Variants in SLC14A2 observed in about 807,000 individuals in gnomAD.
SLC14A2 encodes the protein urea transporter 2.
A neutral mutation model predicts 104.6 loss-of-function variants in SLC14A2; 91 were observed. That is an observed-to-expected ratio of 0.87 (90% CI 0.73 to 1.04). SLC14A2 has a LOEUF of 1.04. SLC14A2 is among the 50% of genes least tolerant of loss of function. The pLI is 0.00. For missense variants in SLC14A2, 1,189 were observed against 1,156.0 expected, an observed-to-expected ratio of 1.03 and a Z score of -0.41; for synonymous variants, 476 against 466.4, an observed-to-expected ratio of 1.02 and a Z score of -0.27.
intron 5 of SLC14A2, among the ~76,000 whole-genome samples, chr18:45,632,811 G>A: frequency 6.6e-6 from 1 of 152,180 alleles, no homozygotes; most frequent in African/African-American, 2.4e-5. Context: ...ACAAGTAGCT[G>A]GGACTACAGG....
chr18:45,636,822 C>T (rs759948756), intron 5 of SLC14A2, among the ~76,000 whole-genome samples, 168 bp from the exon 6 acceptor site: 44 of 151,778 alleles, frequency 2.9e-4, no homozygotes, highest in Non-Finnish European at 5.9e-4. Flanking sequence ...AAATTGAATA[C>T]CTTATTCTAT....
chr18:45,490,627 A>G (rs1032883470), intron 2 of SLC14A2, among the ~76,000 whole-genome samples: 7 of 152,230 alleles, frequency 4.6e-5, no homozygotes, highest in Non-Finnish European at 1.0e-4. Context: ...GACCAAGTTT[A>G]TAGTCTTGTA....
intron 2 of SLC14A2, among the ~76,000 whole-genome samples, chr18:45,556,853 C>G (rs2044139570): frequency 6.6e-6 from 1 of 152,108 alleles, no homozygotes; most frequent in African/African-American, 2.4e-5. Context: ...TTTGACTTTC[C>G]CACTCCTGAG....
At chr18:45,291,790 G>A (rs531079736) in intron 1 of SLC14A2, among the ~76,000 whole-genome samples, 1 of 149,526 alleles carries the variant, frequency 6.7e-6, no homozygotes, top group East Asian at 2.0e-4. Flanking sequence ...CGAATCAATC[G>A]AATTGTCGTT....
intron 2 of SLC14A2, among the ~76,000 whole-genome samples, chr18:45,577,268 C>G (rs1285455051): frequency 6.6e-6 from 1 of 152,024 alleles, no homozygotes; most frequent in African/African-American, 2.4e-5. Context: ...TCAAAAGCTT[C>G]TCCAAAGCTA....
chr18:45,327,045 G>A (rs60168393), intron 1 of SLC14A2, among the ~76,000 whole-genome samples: 1 of 146,872 alleles, frequency 6.8e-6, no homozygotes, highest in Non-Finnish European at 1.5e-5. Context: ...CATCCATCCA[G>A]CCAGCCAGCC....
intron 1 of SLC14A2, among the ~76,000 whole-genome samples, chr18:45,300,468 ATTTCT>A (rs1465553564): frequency 6.6e-6 from 1 of 152,028 alleles, no homozygotes; most frequent in East Asian, 1.9e-4. Flanking sequence ...AAGTTGCAGA[ATTTCT>A]TTTCCATTTC....
At chr18:45,286,984 G>C (rs1360203711) in intron 1 of SLC14A2, among the ~76,000 whole-genome samples, 1 of 152,192 alleles carries the variant, frequency 6.6e-6, no homozygotes, top group African/African-American at 2.4e-5. Context: ...GCAGCTACCT[G>C]TGTGCACTCA....
intron 9 of SLC14A2, 76 bp from the exon 10 acceptor site, chr18:45,643,910 T>A: frequency 7.6e-7 from 1 of 1,314,514 alleles, no homozygotes; most frequent in Non-Finnish European, 1.1e-6. Context: ...GCCTGTCACA[T>A]CCTTCTCCCC....
At chr18:45,667,217 C>T in intron 13 of SLC14A2, 123 bp downstream of exon 13, 1 of 700,034 alleles carries the variant, frequency 1.4e-6, no homozygotes, top group Non-Finnish European at 2.3e-6. Flanking sequence ...CACTCTGTTA[C>T]TGTGGTCTTT....
At chr18:45,419,093 C>T (rs56046816) in intron 1 of SLC14A2, among the ~76,000 whole-genome samples, 3,541 of 152,332 alleles carry the variant, frequency 0.023, 108 homozygotes, top group African/African-American at 0.07. Flanking sequence ...ATAAATGTTT[C>T]TGACCAGTGC....
At chr18:45,455,237 A>T (rs1390378562) in intron 1 of SLC14A2, among the ~76,000 whole-genome samples, 2 of 152,204 alleles carry the variant, frequency 1.3e-5, no homozygotes, top group African/African-American at 4.8e-5. Flanking sequence ...AAAGACTTGG[A>T]ACCAGCCCAA....
chr18:45,480,592 C>T (rs1305118140), intron 1 of SLC14A2, among the ~76,000 whole-genome samples: 1 of 152,184 alleles, frequency 6.6e-6, no homozygotes, highest in Non-Finnish European at 1.5e-5. Context: ...AGTGCTCTTT[C>T]TTCCAAACAA....
chr18:45,244,107 C>T (rs527738711), intron 1 of SLC14A2, among the ~76,000 whole-genome samples: 4 of 152,240 alleles, frequency 2.6e-5, no homozygotes, highest in Admixed American at 6.5e-5. Flanking sequence ...TGCCAAGTTC[C>T]GGAAGCTTAG....
intron 1 of SLC14A2, among the ~76,000 whole-genome samples, chr18:45,451,064 T>G (rs2086849700): frequency 6.6e-6 from 1 of 152,234 alleles, no homozygotes; most frequent in Admixed American, 6.5e-5. Flanking sequence ...TAATAATTCC[T>G]TGAAGTTTTG....
At position 45,578,923 on chromosome 18, in the gene SLC14A2, G is replaced by A. The variant is rs552942580; in HGVS notation, c.-34-45708G>A. Among the ~76,000 whole-genome samples, 7 of 152,340 alleles carry A rather than the reference G, an allele frequency of 4.6e-5. No homozygotes were observed. In the South Asian group the frequency reaches 1.2e-3, roughly 27 times the overall value. On this transcript the variant is annotated intron_variant, in intron 2 of 20. Coordinates refer to the SLC14A2 transcript ENST00000586448. The stretch of plus-strand genomic sequence containing the variant: ...GGCCTTGCTCATGTGTCTGTGGGCA[G>A]CTAGAAGGTCAGCTACCAGTTGGCT...
At chr18:45,645,632 A>ATATATATATATAT (rs1568312070) in intron 10 of SLC14A2, among the ~76,000 whole-genome samples, 4 of 7,084 alleles carry the variant, frequency 5.6e-4, no homozygotes, top group South Asian at 5.4e-3. Context: ...TACATATACA[A>ATATATATATATAT]AGATATATAT....
intron 1 of SLC14A2, among the ~76,000 whole-genome samples, chr18:45,619,328 C>G (rs2045126187): frequency 6.6e-6 from 1 of 152,246 alleles, no homozygotes; most frequent in Non-Finnish European, 1.5e-5. Flanking sequence ...GCTCAGGACA[C>G]AGTGCCTGCT....
intron 2 of SLC14A2, among the ~76,000 whole-genome samples, chr18:45,593,732 G>A (rs1172888307): frequency 3.3e-5 from 5 of 151,896 alleles, no homozygotes; most frequent in East Asian, 1.9e-4. Context: ...CTCTTGATCC[G>A]TCCACCTCGG....
Sources: allele counts gnomAD v4.1 joint callset (sites outside exome capture counted in the v4.1 genomes callset), GRCh38; gene constraint gnomAD v4.1.1; transcripts MANE v1.5; gene names NCBI Gene and HGNC (gene_info 2026-07-23, HGNC 2026-07-21).